The following MAPK10 variants were observed in gnomAD, a reference collection of about 807,000 sequenced individuals.
MAPK10 encodes JNK3 alpha protein kinase.
A neutral mutation model predicts 59.3 loss-of-function variants in MAPK10; 25 were observed. That is an observed-to-expected ratio of 0.42 (90% CI 0.31 to 0.59). The LOEUF (loss-of-function observed/expected upper bound fraction) is 0.59. Among genes scored for constraint, MAPK10 ranks in the 20% least tolerant of loss-of-function variants. The pLI, the probability that MAPK10 is intolerant of heterozygous loss-of-function variation, is 0.15. For missense variants in MAPK10, 351 were observed against 568.9 expected (o/e 0.62, Z 3.90); for synonymous variants, 190 against 200.5 (o/e 0.95, Z 0.44).
intron 2 of MAPK10, among the ~76,000 whole-genome samples, chr4:86,227,340 A>G (rs2090802596): frequency 6.6e-6 from 1 of 151,962 alleles, no homozygotes; most frequent in Admixed American, 6.5e-5. Flanking sequence ...ACAAAAAACT[A>G]GCCGGGCTTG....
intron 1 of MAPK10, among the ~76,000 whole-genome samples, chr4:86,507,615 G>GATAGATATAGATATAT (rs1755839060): frequency 2.8e-5 from 1 of 35,654 alleles, no homozygotes; most frequent in African/African-American, 1.1e-4. Context: ...ATAAACTGGA[G>GATAGATATAGATATAT]ATATATATAT....
chr4:86,122,436 A>G (rs2059414121), intron 4 of MAPK10, among the ~76,000 whole-genome samples: 1 of 152,084 alleles, frequency 6.6e-6, no homozygotes, highest in Admixed American at 6.6e-5. Context: ...CTTGGTAGCC[A>G]TTGCTGTGAC....
In MAPK10 at chr4:86,270,756, A is replaced by G. The variant is rs182856852; in HGVS notation, c.-6-76349T>C. Among the ~76,000 whole-genome samples the G allele has an allele frequency of 5.8e-3, 887 of 152,230 alleles. 8 individuals are homozygous for G. The highest frequency in any genetic ancestry group is 0.02 in the African/African-American group (835 of 41,554). ...TTAGTTTTACCTGTTCTTGCATTTCATAAAATGGAATCATGCCATGAGTAC... is the reference window on the plus strand; with the variant it reads ...TTAGTTTTACCTGTTCTTGCATTTCGTAAAATGGAATCATGCCATGAGTAC... On this transcript the variant is annotated intron_variant, in intron 2 of 13. Transcript: ENST00000641462.
chr4:86,424,114 C>T (rs1438628640), intron 1 of MAPK10, among the ~76,000 whole-genome samples: 1 of 152,116 alleles, frequency 6.6e-6, no homozygotes, highest in Non-Finnish European at 1.5e-5. Flanking sequence ...GTTCTGACAG[C>T]TCATGGAATT....
intron 1 of MAPK10, among the ~76,000 whole-genome samples, chr4:86,492,384 G>A (rs1027646721): frequency 6.6e-6 from 1 of 152,162 alleles, no homozygotes; most frequent in Non-Finnish European, 1.5e-5. Flanking sequence ...TGGGCATCCT[G>A]TATGAATAGA....
chr4:86,294,027 G>A (rs1171242231), intron 2 of MAPK10, among the ~76,000 whole-genome samples: 1 of 152,142 alleles, frequency 6.6e-6, no homozygotes, highest in Non-Finnish European at 1.5e-5. Context: ...ACCCAGAAGT[G>A]CGGAGTTAAC....
intron 1 of MAPK10, among the ~76,000 whole-genome samples, chr4:86,444,006 T>C (rs999642266): frequency 6.6e-6 from 1 of 150,920 alleles, no homozygotes; most frequent in Non-Finnish European, 1.5e-5. Context: ...AGTTTGAGGA[T>C]ATGTCAATAG....
intron 4 of MAPK10, among the ~76,000 whole-genome samples, chr4:86,120,775 G>C (rs2059108361): frequency 6.6e-6 from 1 of 152,122 alleles, no homozygotes; most frequent in African/African-American, 2.4e-5. Flanking sequence ...CCAATTGATA[G>C]GGTAAGCTGA....
rs139375949 is a variant in MAPK10, at chr4:86,378,060, G to A, written c.-121-23416C>T. ...CAGACACACCCAGGATCAATACTTTGTATCCTTCAATCCAATCAAGTTGAC... is the reference window on the plus strand; with the variant it reads ...CAGACACACCCAGGATCAATACTTTATATCCTTCAATCCAATCAAGTTGAC... On this transcript the variant is annotated intron_variant, in intron 1 of 13. Transcript: ENST00000361569. Among the ~76,000 whole-genome samples the A allele has an allele frequency of 1.0e-2, 1,519 of 152,124 alleles. 19 individuals carry two copies. Among genetic ancestry groups the A allele is most frequent in the African/African-American group, 0.035 (1,441 of 41,494 alleles).
intron 9 of MAPK10, chr4:86,089,192 G>C: frequency 6.2e-7 from 1 of 1,602,274 alleles, no homozygotes. Flanking sequence ...ACCACTGGCT[G>C]CTAAGAAGGA....
At chr4:86,448,406 T>C (rs1362721039) in intron 1 of MAPK10, among the ~76,000 whole-genome samples, 1 of 152,052 alleles carries the variant, frequency 6.6e-6, no homozygotes, top group African/African-American at 2.4e-5. Flanking sequence ...TCTGGGTTTT[T>C]TTTTTTATCT....
chr4:86,064,105 A>G (rs1013964961), intron 11 of MAPK10, among the ~76,000 whole-genome samples, 161 bp downstream of exon 11: 3 of 152,234 alleles, frequency 2.0e-5, no homozygotes, highest in Non-Finnish European at 4.4e-5. Flanking sequence ...TTTAAAACAT[A>G]TGTTGAAGAA....
At chr4:86,316,513 T>A (rs2095791398) in intron 2 of MAPK10, among the ~76,000 whole-genome samples, 1 of 152,210 alleles carries the variant, frequency 6.6e-6, no homozygotes. Flanking sequence ...TCTGACTCCC[T>A]GTCACATATG....
At chr4:86,581,899 T>TTTTATATATA (rs1554284916) in intron 1 of MAPK10, among the ~76,000 whole-genome samples, 1 of 91,578 alleles carries the variant, frequency 1.1e-5, no homozygotes, top group Non-Finnish European at 2.0e-5. Flanking sequence ...GCTATATATA[T>TTTTATATATA]TATATATATA....
At chr4:86,167,533 C>T (rs995213401) in intron 3 of MAPK10, among the ~76,000 whole-genome samples, 2 of 152,182 alleles carry the variant, frequency 1.3e-5, no homozygotes, top group African/African-American at 4.8e-5. Flanking sequence ...ATCGAGTCGG[C>T]TTCATCCCTG....
chr4:86,417,845 T>C (rs1238164765), intron 1 of MAPK10, among the ~76,000 whole-genome samples: 1 of 152,224 alleles, frequency 6.6e-6, no homozygotes, highest in Non-Finnish European at 1.5e-5. Flanking sequence ...AATAGCTATA[T>C]TGTAGCCATT....
intron 1 of MAPK10, among the ~76,000 whole-genome samples, chr4:86,550,462 G>A (rs1214853748): frequency 6.6e-6 from 1 of 150,768 alleles, no homozygotes; most frequent in African/African-American, 2.4e-5. Flanking sequence ...ACTTTGTGGG[G>A]CTGAGGAAGG....
At chr4:86,022,162 C>T (rs893890873) in intron 13 of MAPK10, among the ~76,000 whole-genome samples, 3 of 152,242 alleles carry the variant, frequency 2.0e-5, no homozygotes, top group Non-Finnish European at 4.4e-5. Flanking sequence ...CCAGCACGCT[C>T]TCACCTCTCA....
intron 3 of MAPK10, among the ~76,000 whole-genome samples, chr4:86,171,999 A>T (rs1013402404): frequency 2.7e-5 from 4 of 146,810 alleles, no homozygotes; most frequent in Non-Finnish European, 4.5e-5. Context: ...GCCATCAGAG[A>T]AATGCAAATC....
Sources: allele counts gnomAD v4.1 joint callset (sites outside exome capture counted in the v4.1 genomes callset), GRCh38; gene constraint gnomAD v4.1.1; transcripts MANE v1.5; gene names NCBI Gene and HGNC (gene_info 2026-07-23, HGNC 2026-07-21).